Variants in AHCYL2 observed in about 807,000 individuals in gnomAD.
The protein encoded by AHCYL2 is adenosylhomocysteinase like 2.
AHCYL2 carries 28 observed loss-of-function variants against 81.4 expected under a neutral mutation model. The ratio of observed to expected loss-of-function variants is 0.34; its 90% CI spans 0.25 to 0.47. The LOEUF is 0.47. AHCYL2 is among the 20% of genes least tolerant of loss of function. AHCYL2 has a pLI of 1.00. For missense variants in AHCYL2, 551 were observed against 785.1 expected, an observed-to-expected ratio of 0.70 and a Z score of 3.56; for synonymous variants, 272 against 290.2, an observed-to-expected ratio of 0.94 and a Z score of 0.64.
At chr7:129,418,131 T>C (rs892683397) in intron 12 of AHCYL2, among the ~76,000 whole-genome samples, 7 of 151,986 alleles carry the variant, frequency 4.6e-5, no homozygotes, top group East Asian at 3.9e-4. Context: ...AGCAGGAACA[T>C]TGGGCAAGGG....
At chr7:129,227,726 G>GT (rs1421073166) in intron 1 of AHCYL2, among the ~76,000 whole-genome samples, 2 of 150,848 alleles carry the variant, frequency 1.3e-5, no homozygotes, top group South Asian at 2.1e-4. Context: ...CCATCTTCCT[G>GT]TTTTTTCAGC....
intron 1 of AHCYL2, among the ~76,000 whole-genome samples, chr7:129,295,160 T>C (rs1436015758): frequency 6.6e-6 from 1 of 152,212 alleles, no homozygotes; most frequent in East Asian, 1.9e-4. Context: ...GACCTCTTTC[T>C]CTGAAAGGGA....
chr7:129,384,223 CAT>C (rs1795098489), intron 2 of AHCYL2, among the ~76,000 whole-genome samples: 4 of 149,576 alleles, frequency 2.7e-5, no homozygotes, highest in Admixed American at 1.3e-4. Context: ...TATCATATAA[CAT>C]ATATATGATA....
chr7:129,238,480 G>A (rs1794717487), intron 1 of AHCYL2, among the ~76,000 whole-genome samples: 1 of 152,176 alleles, frequency 6.6e-6, no homozygotes, highest in South Asian at 2.1e-4. Context: ...ACTGCTAAGT[G>A]CTAGAGTTAT....
chr7:129,370,614 C>T (rs950668124), intron 1 of AHCYL2, among the ~76,000 whole-genome samples: 163 of 152,304 alleles, frequency 1.1e-3, no homozygotes, highest in Non-Finnish European at 2.0e-3. Flanking sequence ...AGGAGAATAG[C>T]ATGAACCCGG....
At chr7:129,423,820 T>C (rs368627825) in intron 13 of AHCYL2, among the ~76,000 whole-genome samples, 9 of 152,194 alleles carry the variant, frequency 5.9e-5, no homozygotes, top group African/African-American at 1.9e-4. Flanking sequence ...TCTCATCTTC[T>C]CAGATACTTC....
intron 1 of AHCYL2, among the ~76,000 whole-genome samples, chr7:129,346,443 C>T (rs1793363991): frequency 1.3e-5 from 2 of 152,004 alleles, no homozygotes; most frequent in Non-Finnish European, 2.9e-5. Flanking sequence ...AATAAGGACA[C>T]AAACAACCTG....
chr7:129,311,575 C>A (rs896920802), intron 1 of AHCYL2, among the ~76,000 whole-genome samples: 2 of 151,908 alleles, frequency 1.3e-5, no homozygotes, highest in Admixed American at 1.3e-4. Context: ...TTAACCCCAC[C>A]CCCCACCGCG....
chr7:129,225,358 G>C lies in AHCYL2; in HGVS notation c.282G>C (p.Gln94His), dbSNP rs1794172488. ...SAMKRSDPHH[Q>H]HQRHRDGGEA... ...TGAAGCGGAGCGACCCACATCACCA[G>C]CACCAGCGGCACCGCGACGGCGGCG... Residue 94 changes from glutamine to histidine, a missense_variant, in exon 1 of 17, where the codon CAG becomes CAC. Gln to His is a conservative substitution (Grantham distance 24). Coordinates refer to ENST00000325006, the MANE Select transcript of AHCYL2 (RefSeq NM_015328.4). The C allele has an allele frequency of 6.6e-7, 1 of 1,516,082 alleles. No individual in the cohort carries two copies. The highest frequency in any genetic ancestry group is 1.2e-5 in the South Asian group (1 of 83,340). 93.9% of individuals were successfully genotyped at this position (1,516,082 alleles called of 1,614,324 possible). A position where few individuals can be genotyped will look rare whatever the true frequency, so the allele number is the denominator to read the frequency against.
chr7:129,308,054 G>T (rs1295305943), intron 1 of AHCYL2, among the ~76,000 whole-genome samples: 1 of 151,892 alleles, frequency 6.6e-6, no homozygotes, highest in African/African-American at 2.4e-5. Context: ...ACTGCCTTGG[G>T]TTGAGGGAGG....
chr7:129,361,107 A>T (rs1793916045), intron 1 of AHCYL2, among the ~76,000 whole-genome samples: 1 of 152,234 alleles, frequency 6.6e-6, no homozygotes, highest in East Asian at 1.9e-4. Context: ...AGATCTTCAC[A>T]TGATTTATAT....
chr7:129,244,083 T>C (rs1402699403), intron 1 of AHCYL2, among the ~76,000 whole-genome samples: 1 of 151,764 alleles, frequency 6.6e-6, no homozygotes, highest in Non-Finnish European at 1.5e-5. Context: ...ACTGCAGCCT[T>C]GAACTCCTGG....
Position 129,394,440 on chromosome 7 carries a change from C to CTTTTTTT in AHCYL2, c.721-2764_721-2758dup, listed in dbSNP as rs35797517. Among the ~76,000 whole-genome samples, 24 of 45,736 alleles carry CTTTTTTT rather than the reference C, an allele frequency of 5.2e-4. 1 individual carries two copies. The highest frequency in any genetic ancestry group is 6.8e-4 in the Non-Finnish European group (17 of 25,176). The allele number at this position is 45,736 out of a possible 152,430, so 30.0% of individuals were successfully genotyped here. A position where few individuals can be genotyped will look rare whatever the true frequency, so the allele number is the denominator to read the frequency against. ...TTTTTTTCCTGGCATTTGTATTTGA[C>CTTTTTTT]TTTTTTTTTTTTTTTTTTTTTTTTG... On this transcript the variant is annotated intron_variant, in intron 4 of 16. Coordinates refer to ENST00000325006, the MANE Select transcript of AHCYL2 (RefSeq NM_015328.4).
At chr7:129,228,443 C>G (rs1323025960) in intron 1 of AHCYL2, among the ~76,000 whole-genome samples, 1 of 152,190 alleles carries the variant, frequency 6.6e-6, no homozygotes. Flanking sequence ...ACTTGCGATG[C>G]TCTGGGGGCC....
chr7:129,411,517 C>A (rs576706253), intron 11 of AHCYL2, among the ~76,000 whole-genome samples: 37 of 152,048 alleles, frequency 2.4e-4, no homozygotes, highest in African/African-American at 8.4e-4. Flanking sequence ...CCCAGCACTT[C>A]AAGAGGCCAA....
intron 1 of AHCYL2, among the ~76,000 whole-genome samples, chr7:129,376,262 T>C (rs1011756125): frequency 3.3e-5 from 5 of 152,356 alleles, no homozygotes; most frequent in African/African-American, 1.2e-4. Context: ...TATTGGTGTT[T>C]AATTATTAAG....
intron 1 of AHCYL2, among the ~76,000 whole-genome samples, chr7:129,294,997 G>A (rs1269716408): frequency 6.6e-6 from 1 of 152,194 alleles, no homozygotes; most frequent in East Asian, 1.9e-4. Context: ...CTCAGGAGTT[G>A]TGTGGCTTGA....
At chr7:129,268,491 G>T (rs1032122293) in intron 1 of AHCYL2, among the ~76,000 whole-genome samples, 1 of 152,094 alleles carries the variant, frequency 6.6e-6, no homozygotes, top group African/African-American at 2.4e-5. Flanking sequence ...GGGACTACAG[G>T]CACGGGCCAC....
Position 129,409,558 on chromosome 7 carries a change from A to G in AHCYL2, c.1366+12A>G, listed in dbSNP as rs774549874. The G allele has an allele frequency of 1.9e-6, 3 of 1,601,080 alleles. No individual in the cohort carries two copies. In the Admixed American group the frequency reaches 5.1e-5, roughly 27 times the overall value. On this transcript the variant is annotated intron_variant, in intron 11 of 16. Coordinates refer to ENST00000325006, the MANE Select transcript of AHCYL2 (RefSeq NM_015328.4). Reference sequence around the variant, plus strand: ...TATTACCTGTACAGGTATGATAATGACATTTTAAATGGGGTGGCACTTGGG... The same window carrying G: ...TATTACCTGTACAGGTATGATAATGGCATTTTAAATGGGGTGGCACTTGGG...
Sources: allele counts gnomAD v4.1 joint callset (sites outside exome capture counted in the v4.1 genomes callset), GRCh38; gene constraint gnomAD v4.1.1; transcripts MANE v1.5; gene names NCBI Gene and HGNC (gene_info 2026-07-23, HGNC 2026-07-21).